SLCO6A1: variants seen among roughly 807,000 people sequenced by gnomAD.
The protein encoded by SLCO6A1 is cancer/testis antigen 48.
Under a neutral mutation model 72.7 loss-of-function variants are expected in SLCO6A1, and 65 were observed. The ratio of observed to expected loss-of-function variants is 0.89; its 90% confidence interval spans 0.73 to 1.10. The LOEUF is 1.10. Ranked by LOEUF, SLCO6A1 falls within the 50% of genes least tolerant of loss-of-function variation. SLCO6A1 has a pLI of 0.00. For synonymous variants in SLCO6A1, 314 were observed against 298.2 expected (o/e 1.05, Z -0.55); for missense variants, 874 against 872.6 (o/e 1.00, Z -0.02).
chr5:102,386,315 G>A (rs1173482141), intron 12 of SLCO6A1, among the ~76,000 whole-genome samples: 1 of 152,092 alleles, frequency 6.6e-6, no homozygotes, highest in Non-Finnish European at 1.5e-5. Flanking sequence ...GTTTGTGGGG[G>A]CCAACCTCAA....
At chr5:102,385,562 T>G (rs1330941535) in intron 12 of SLCO6A1, among the ~76,000 whole-genome samples, 1 of 152,140 alleles carries the variant, frequency 6.6e-6, no homozygotes, top group East Asian at 1.9e-4. Flanking sequence ...GCTCACTGAT[T>G]CTTTCTTCTG....
At chr5:102,386,358 G>C (rs924425796) in intron 12 of SLCO6A1, among the ~76,000 whole-genome samples, 2 of 152,160 alleles carry the variant, frequency 1.3e-5, no homozygotes, top group Admixed American at 1.3e-4. Context: ...ATGGTGCTGG[G>C]GCAGGCCTTG....
chr5:102,476,856 C>G (rs1251258702), intron 3 of SLCO6A1, among the ~76,000 whole-genome samples: 1 of 151,916 alleles, frequency 6.6e-6, no homozygotes, highest in East Asian at 1.9e-4. Flanking sequence ...TATATAAAAA[C>G]AACTTTAAAT....
chr5:102,484,677 A>T (rs761758981), intron 1 of SLCO6A1, among the ~76,000 whole-genome samples: 1 of 152,162 alleles, frequency 6.6e-6, no homozygotes, highest in Non-Finnish European at 1.5e-5. Context: ...TATTTTTGTA[A>T]TTATAGATAA....
At chr5:102,464,608 C>T (rs915740401) in intron 4 of SLCO6A1, among the ~76,000 whole-genome samples, 1 of 152,040 alleles carries the variant, frequency 6.6e-6, no homozygotes, top group Non-Finnish European at 1.5e-5. Flanking sequence ...GAGCCATTAC[C>T]ACCTGAAAAG....
At chr5:102,440,887 A>T (rs1402568927) in intron 6 of SLCO6A1, among the ~76,000 whole-genome samples, 2 of 152,218 alleles carry the variant, frequency 1.3e-5, no homozygotes, top group African/African-American at 4.8e-5. Context: ...CTCTAATTTC[A>T]AATCTAATTG....
chr5:102,413,887 A>G (rs991892780), intron 8 of SLCO6A1, among the ~76,000 whole-genome samples: 3 of 152,032 alleles, frequency 2.0e-5, no homozygotes, highest in East Asian at 1.9e-4. Flanking sequence ...CTTTCCATAT[A>G]TTTCTTTTCA....
chr5:102,459,572 G>A (rs1750914372), intron 5 of SLCO6A1, 84 bp downstream of exon 5: 1 of 1,386,492 alleles, frequency 7.2e-7, no homozygotes, highest in Non-Finnish European at 9.6e-7. Context: ...TATTAAAAAT[G>A]TAATACAGTC....
Position 102,490,160 on chromosome 5 carries a change from G to A in SLCO6A1, c.358+8327C>T, listed in dbSNP as rs145079606. Among the ~76,000 whole-genome samples, 37 of 152,234 alleles carry A rather than the reference G, an allele frequency of 2.4e-4. No homozygotes were observed. In the East Asian group the frequency reaches 6.0e-3, roughly 25 times the overall value. ...CAGTTAGATAGGAGATATCAATTCT[G>A]GTGCTCTGTTGCACAGTAGGGTGAC... On this transcript the variant is annotated intron_variant, in intron 1 of 13. Transcript: ENST00000506729.
chr5:102,381,983 A>G (rs1746134696), intron 12 of SLCO6A1, among the ~76,000 whole-genome samples: 1 of 151,674 alleles, frequency 6.6e-6, no homozygotes, highest in African/African-American at 2.4e-5. Context: ...TATCAGATAT[A>G]TGGGTTGCAA....
At chr5:102,458,259 A>G in intron 6 of SLCO6A1, 123 bp downstream of exon 6, 1 of 666,554 alleles carries the variant, frequency 1.5e-6, no homozygotes, top group Non-Finnish European at 2.5e-6. Flanking sequence ...AATAATAAAA[A>G]AGAAAAAAAA....
chr5:102,396,574 T>G (rs1747096653), intron 10 of SLCO6A1, among the ~76,000 whole-genome samples: 1 of 152,170 alleles, frequency 6.6e-6, no homozygotes, highest in African/African-American at 2.4e-5. Flanking sequence ...ATACTTGTGG[T>G]GTTGGCTTTC....
chr5:102,427,485 A>G (rs1748957037), intron 7 of SLCO6A1, among the ~76,000 whole-genome samples: 1 of 152,072 alleles, frequency 6.6e-6, no homozygotes, highest in African/African-American at 2.4e-5. Flanking sequence ...AATCATGATA[A>G]AAATATTAGG....
rs398109232 is a variant in SLCO6A1, at chr5:102,411,609, T to TA, written c.1626+1380dup. Among the ~76,000 whole-genome samples the TA allele has an allele frequency of 5.3e-5, 8 of 151,444 alleles. No individual in the cohort carries two copies. The South Asian group carries it at 1.7e-3, about 32-fold the overall frequency. On this transcript the variant is annotated intron_variant, in intron 9 of 13. Coordinates refer to ENST00000506729, the MANE Select transcript of SLCO6A1 (RefSeq NM_173488.5). The stretch of plus-strand genomic sequence containing the variant: ...GACTAAGCTCTGATTTTTTTTTTTT[T>TA]AAATCTTGCCCAAACTCCTATCTAA...
chr5:102,458,458 T>A lies in SLCO6A1; in HGVS notation c.1055A>T (p.Gln352Leu), dbSNP rs779204662. ...AAGTCTGCTGTCAAAAAAATGAAGC[T>A]GTTTACGTTTCCTAGCTTTTATCCG... ...STRIKARKRK[Q>L]LHFFDSRLKD... Residue 352 changes from glutamine to leucine, a missense_variant, in exon 6 of 14, where the codon CAG becomes CTG. Coordinates refer to ENST00000506729, the MANE Select transcript of SLCO6A1 (RefSeq NM_173488.5). 11 of 1,612,874 alleles carry A rather than the reference T, an allele frequency of 6.8e-6. No homozygotes were observed. The Admixed American group carries it at 1.5e-4, about 22-fold the overall frequency.
chr5:102,411,462 G>A (rs1010995092), intron 9 of SLCO6A1, among the ~76,000 whole-genome samples: 1 of 151,920 alleles, frequency 6.6e-6, no homozygotes, highest in Non-Finnish European at 1.5e-5. Flanking sequence ...ACAGGGTTTC[G>A]CCATGTTGCC....
intron 7 of SLCO6A1, among the ~76,000 whole-genome samples, chr5:102,425,862 C>G (rs2112634248): frequency 6.6e-6 from 1 of 152,238 alleles, no homozygotes; most frequent in Middle Eastern, 3.4e-3. Flanking sequence ...TACCTGACTT[C>G]AAATTATACT....
At chr5:102,457,798 C>T (rs1186293294) in intron 6 of SLCO6A1, among the ~76,000 whole-genome samples, 1 of 152,132 alleles carries the variant, frequency 6.6e-6, no homozygotes, top group Admixed American at 6.6e-5. Context: ...AAGACACATG[C>T]ACATGTATGT....
At position 102,477,746 on chromosome 5, in the gene SLCO6A1, C is replaced by T. The variant is rs1751980338; in HGVS notation, c.732G>A (p.Met244Ile). ...LGQTVQGIAGMPLYILGITFI... is the reference protein window; with the variant it reads ...LGQTVQGIAGIPLYILGITFI... ...AGGTTATTCCAAGGATATAAAGAGG[C>T]ATTCCTGCTATTCCCTGCACAGTCT... Residue 244 changes from methionine to isoleucine, a missense_variant, in exon 3 of 14, where the codon ATG (methionine) becomes ATA (isoleucine). Met to Ile is a conservative substitution (Grantham distance 10). Coordinates refer to ENST00000506729, the MANE Select transcript of SLCO6A1 (RefSeq NM_173488.5). 10 of 1,613,718 alleles carry T rather than the reference C, an allele frequency of 6.2e-6. No homozygotes were observed. The highest frequency in any genetic ancestry group is 8.5e-6 in the Non-Finnish European group (10 of 1,179,814).
Sources: gnomAD v4.1 joint callset for allele counts (sites outside exome capture counted in the v4.1 genomes callset) on GRCh38, gnomAD v4.1.1 for gene constraint, MANE v1.5 for transcripts, NCBI Gene and HGNC (gene_info 2026-07-23, HGNC 2026-07-21) for gene names.